Variants in RGS6 observed in about 807,000 individuals in gnomAD.
The protein encoded by RGS6 is regulator of G-protein signaling 6.
RGS6 carries 30 observed loss-of-function variants against 78.5 expected under a neutral mutation model. That is an observed-to-expected ratio of 0.38 (90% CI 0.29 to 0.52). The LOEUF is 0.52. Ranked by LOEUF, RGS6 falls within the 20% of genes least tolerant of loss-of-function variation. The pLI is 0.85. For missense variants in RGS6, 495 were observed against 609.7 expected (o/e 0.81, Z 1.98); for synonymous variants, 206 against 206.0 (o/e 1.00, Z 0.00).
chr14:72,441,725 GGAGT>G (rs1042615899), intron 3 of RGS6, among the ~76,000 whole-genome samples: 2 of 152,228 alleles, frequency 1.3e-5, no homozygotes, highest in African/African-American at 4.8e-5. Context: ...CCCCTGAAGA[GGAGT>G]GAGTTGGGTG....
intron 3 of RGS6, among the ~76,000 whole-genome samples, chr14:72,366,611 C>G (rs2082490588): frequency 6.6e-6 from 1 of 152,156 alleles, no homozygotes. Context: ...GATTTCTGAG[C>G]AAGGTGCCCA....
chr14:72,121,658 G>T (rs1191566466), intron 2 of RGS6, among the ~76,000 whole-genome samples: 1 of 152,168 alleles, frequency 6.6e-6, no homozygotes, highest in Non-Finnish European at 1.5e-5. Flanking sequence ...CTAGTGAATT[G>T]TTGACTGCTC....
At chr14:72,453,755 T>G (rs116599668) in intron 3 of RGS6, among the ~76,000 whole-genome samples, 160 of 150,874 alleles carry the variant, frequency 1.1e-3, no homozygotes, top group African/African-American at 3.7e-3. Context: ...CAGTCCTCAA[T>G]CAAGTCAGAG....
the RGS6 span, among the ~76,000 whole-genome samples, chr14:72,618,657 C>A: frequency 1.3e-5 from 2 of 152,172 alleles, no homozygotes; most frequent in African/African-American, 4.8e-5. Context: ...CCTCCCCGCC[C>A]CCATCTAGTA....
chr14:72,570,925 C>G (rs779229743), downstream of RGS6, among the ~76,000 whole-genome samples: 28 of 152,250 alleles, frequency 1.8e-4, no homozygotes, highest in Middle Eastern at 6.8e-3. Context: ...CAGTGAGAAC[C>G]TGAGTCTTTA....
chr14:72,561,116 C>T (rs1226797045), intron 17 of RGS6, among the ~76,000 whole-genome samples: 1 of 152,116 alleles, frequency 6.6e-6, no homozygotes, highest in Non-Finnish European at 1.5e-5. Flanking sequence ...ACCCGTTATC[C>T]ATCAATTCAT....
At chr14:72,479,220 G>C (rs1056615376) in intron 12 of RGS6, among the ~76,000 whole-genome samples, 3 of 152,044 alleles carry the variant, frequency 2.0e-5, no homozygotes, top group South Asian at 2.1e-4. Flanking sequence ...CTTTTTTCTA[G>C]ATAAATTACA....
At chr14:72,465,631 T>C in intron 6 of RGS6, 127 bp from the exon 7 acceptor site, 1 of 629,372 alleles carries the variant, frequency 1.6e-6, no homozygotes, top group South Asian at 1.9e-5. Flanking sequence ...GGTGGATGGA[T>C]GGATGGATGG....
chr14:72,583,942 C>A, the RGS6 span, among the ~76,000 whole-genome samples: 1 of 152,182 alleles, frequency 6.6e-6, no homozygotes, highest in Admixed American at 6.5e-5. Flanking sequence ...CCACCCTCTG[C>A]TAATCACCAC....
At chr14:72,021,640 T>C (rs77680307) in intron 2 of RGS6, among the ~76,000 whole-genome samples, 10,421 of 151,770 alleles carry the variant, frequency 0.069, 462 homozygotes, top group East Asian at 0.19. Context: ...GGCTTATTTT[T>C]TTTTGTATTT....
chr14:72,271,580 CATCT>C (rs1178981437), intron 2 of RGS6, among the ~76,000 whole-genome samples: 3 of 152,348 alleles, frequency 2.0e-5, no homozygotes, highest in Admixed American at 1.3e-4. Context: ...AATGGTGCCA[CATCT>C]TTCCTGTAAG....
the RGS6 span, chr14:72,619,512 T>G: frequency 1.1e-6 from 1 of 895,738 alleles, no homozygotes; most frequent in Non-Finnish European, 1.7e-6. Flanking sequence ...CGTGCCAGAG[T>G]CTGTGGCTCA....
At chr14:72,547,409 G>C in intron 17 of RGS6, 1 of 1,288,804 alleles carries the variant, frequency 7.8e-7, no homozygotes, top group Non-Finnish European at 1.1e-6. Flanking sequence ...CCCAAAATGA[G>C]CTCCTGGTGG....
At chr14:72,569,111 GGT>G (rs35508602), downstream of RGS6, among the ~76,000 whole-genome samples, 34,575 of 136,854 alleles carry the variant, frequency 0.25, 5,229 homozygotes, top group African/African-American at 0.44. Flanking sequence ...GATTCTCTGG[GGT>G]GTGTGTGTGT....
intron 2 of RGS6, among the ~76,000 whole-genome samples, chr14:72,235,844 T>C (rs1354574095): frequency 6.6e-6 from 1 of 152,210 alleles, no homozygotes; most frequent in Non-Finnish European, 1.5e-5. Context: ...AACATAGAAA[T>C]ACATAAATTC....
chr14:72,467,921 C>A (rs538745391), intron 7 of RGS6, among the ~76,000 whole-genome samples: 1 of 152,268 alleles, frequency 6.6e-6, no homozygotes, highest in East Asian at 1.9e-4. Flanking sequence ...TTAACACAAC[C>A]TTGAGGAAAG....
At chr14:72,462,571 G>A (rs1364310697) in intron 6 of RGS6, among the ~76,000 whole-genome samples, 2 of 152,168 alleles carry the variant, frequency 1.3e-5, no homozygotes. Flanking sequence ...GATATTCAGT[G>A]GGCTCAATGG....
chr14:72,157,903 T>TA (rs1451054020), intron 2 of RGS6, among the ~76,000 whole-genome samples: 1 of 152,164 alleles, frequency 6.6e-6, no homozygotes, highest in Non-Finnish European at 1.5e-5. Flanking sequence ...GCAGGTTTGT[T>TA]ACATAGGTAT....
At chr14:72,038,764 A>G (rs11158938) in intron 2 of RGS6, among the ~76,000 whole-genome samples, 18,539 of 152,206 alleles carry the variant, frequency 0.12, 1,157 homozygotes, top group East Asian at 0.17. Flanking sequence ...CATGTACTCT[A>G]CAACTTTGCT....
Sources: allele counts gnomAD v4.1 joint callset (sites outside exome capture counted in the v4.1 genomes callset), GRCh38; gene constraint gnomAD v4.1.1; transcripts MANE v1.5; gene names NCBI Gene and HGNC (gene_info 2026-07-23, HGNC 2026-07-21).